MB21D2: variants seen among roughly 807,000 people sequenced by gnomAD.
MB21D2 encodes the protein nucleotidyltransferase MB21D2.
Under a neutral mutation model 33.3 loss-of-function variants are expected in MB21D2, and 9 were observed. The ratio of observed to expected loss-of-function variants is 0.27; its 90% CI spans 0.16 to 0.47. MB21D2 has a LOEUF of 0.47. MB21D2 is among the 20% of genes least tolerant of loss of function. The pLI, the probability that MB21D2 is intolerant of heterozygous loss-of-function variation, is 0.99. For missense variants in MB21D2, 540 were observed against 624.6 expected, an observed-to-expected ratio of 0.86 and a Z score of 1.44; for synonymous variants, 241 against 236.3, an observed-to-expected ratio of 1.02 and a Z score of -0.18.
chr3:192,873,018 C>G (rs111745266), intron 1 of MB21D2, among the ~76,000 whole-genome samples: 1 of 151,830 alleles, frequency 6.6e-6, no homozygotes, highest in Non-Finnish European at 1.5e-5. Context: ...CACCCCCCCC[C>G]ACCAAGCAAG....
rs1421715857 is a variant in MB21D2, at chr3:192,841,440, TTGTC to T, written c.212-41794_212-41791del. ...GCATTGCAGCTTCAATCTTAGTCTT[TTGTC>T]TGTCTGTCTTTCTCTCATCACTCAC... On this transcript the variant is annotated intron_variant, in intron 1 of 1. Transcript: ENST00000392452. Among the ~76,000 whole-genome samples the T allele has an allele frequency of 3.3e-5, 5 of 152,266 alleles. No individual in the cohort carries two copies. The South Asian group carries it at 6.2e-4, about 19-fold the overall frequency.
chr3:192,827,328 A>G (rs1433608903), intron 1 of MB21D2, among the ~76,000 whole-genome samples: 1 of 151,738 alleles, frequency 6.6e-6, no homozygotes, highest in Non-Finnish European at 1.5e-5. Flanking sequence ...ACAGTCGTTT[A>G]TTGAAATTGA....
intron 1 of MB21D2, among the ~76,000 whole-genome samples, chr3:192,885,428 T>C (rs1333356886): frequency 1.3e-5 from 2 of 152,038 alleles, no homozygotes; most frequent in Non-Finnish European, 2.9e-5. Flanking sequence ...AATATCAAAT[T>C]TGTGACCTTT....
chr3:192,915,676 A>G (rs1471203744), intron 1 of MB21D2, among the ~76,000 whole-genome samples: 1 of 152,236 alleles, frequency 6.6e-6, no homozygotes, highest in Non-Finnish European at 1.5e-5. Flanking sequence ...GGCATTAAAC[A>G]CATGCAAAAA....
intron 1 of MB21D2, among the ~76,000 whole-genome samples, chr3:192,870,288 A>T (rs1048004132): frequency 6.6e-6 from 1 of 152,188 alleles, no homozygotes; most frequent in Non-Finnish European, 1.5e-5. Flanking sequence ...TCTCATCTGT[A>T]AAAGGATTAA....
intron 1 of MB21D2, among the ~76,000 whole-genome samples, chr3:192,898,873 G>A (rs779042334): frequency 5.9e-5 from 9 of 152,188 alleles, no homozygotes; most frequent in Admixed American, 2.0e-4. Flanking sequence ...GAGATCTCAC[G>A]GATCAGTAAG....
rs147036806 is a variant in MB21D2 at position 192,845,414 on chromosome 3, T to C, written c.212-45764A>G. Among the ~76,000 whole-genome samples, 202 of 152,374 alleles carry C rather than the reference T, an allele frequency of 1.3e-3. 3 individuals are homozygous for C. Among genetic ancestry groups the C allele is most frequent in the Non-Finnish European group, 1.1e-3 (76 of 68,034 alleles). On this transcript the variant is annotated intron_variant, in intron 1 of 1. Coordinates refer to ENST00000392452, the MANE Select transcript of MB21D2 (RefSeq NM_178496.4). ...TGTGGTAGAGAACGTTTTGCAGCTA[T>C]GAATCACAATTCCCATGAAGAAGTG...
At chr3:192,808,234 A>G (rs1711707876) in intron 1 of MB21D2, among the ~76,000 whole-genome samples, 1 of 152,200 alleles carries the variant, frequency 6.6e-6, no homozygotes, top group Non-Finnish European at 1.5e-5. Flanking sequence ...GGAATCTGTG[A>G]TATGCTGCAT....
rs140950722 is a variant in MB21D2, at chr3:192,850,308, C to T, written c.212-50658G>A. 2.7e-3 allele frequency among the ~76,000 whole-genome samples: 416 copies of T among 152,270 alleles called. 2 individuals carry two copies. Among genetic ancestry groups the T allele is most frequent in the African/African-American group, 9.3e-3 (386 of 41,558 alleles). ...ACAGACTCTACACTGAAGGAAAGAA[C>T]CTGGGTGATAGCTCCTAGTAGAATC... On this transcript the variant is annotated intron_variant, in intron 1 of 1. Coordinates refer to ENST00000392452, the MANE Select transcript of MB21D2 (RefSeq NM_178496.4).
intron 1 of MB21D2, among the ~76,000 whole-genome samples, chr3:192,825,990 T>C (rs924058092): frequency 1.3e-5 from 2 of 152,188 alleles, no homozygotes; most frequent in African/African-American, 4.8e-5. Flanking sequence ...GAATGTGGTG[T>C]GGTCTAGCAG....
At chr3:192,902,173 G>A (rs966988096) in intron 1 of MB21D2, among the ~76,000 whole-genome samples, 3 of 152,274 alleles carry the variant, frequency 2.0e-5, no homozygotes, top group South Asian at 4.2e-4. Context: ...AATCAGAACC[G>A]TAAATTAGCA....
intron 1 of MB21D2, among the ~76,000 whole-genome samples, chr3:192,899,776 G>C (rs893814461): frequency 9.7e-6 from 1 of 103,578 alleles, no homozygotes. Flanking sequence ...CTCTGGGGTA[G>C]GGAGAAGCCC....
chr3:192,901,006 G>A (rs997789200), intron 1 of MB21D2, among the ~76,000 whole-genome samples: 7 of 151,930 alleles, frequency 4.6e-5, no homozygotes, highest in African/African-American at 1.7e-4. Flanking sequence ...GATGAAGGAT[G>A]GATGTATGAA....
intron 1 of MB21D2, among the ~76,000 whole-genome samples, chr3:192,827,774 C>T (rs943413779): frequency 3.3e-5 from 5 of 152,130 alleles, no homozygotes; most frequent in Non-Finnish European, 2.9e-5. Flanking sequence ...TTTTGCTTCC[C>T]GCTCCCCACC....
chr3:192,811,092 G>T (rs993764245), intron 1 of MB21D2, among the ~76,000 whole-genome samples: 2 of 152,188 alleles, frequency 1.3e-5, no homozygotes, highest in African/African-American at 4.8e-5. Flanking sequence ...GGGAGTTAAT[G>T]CAAGAGAACT....
intron 1 of MB21D2, among the ~76,000 whole-genome samples, chr3:192,848,181 T>C (rs1445431459): frequency 6.6e-6 from 1 of 152,222 alleles, no homozygotes; most frequent in Non-Finnish European, 1.5e-5. Flanking sequence ...GTGCTAAATA[T>C]GCTGCAAAGA....
chr3:192,828,590 C>CCCTTA (rs1263700690), intron 1 of MB21D2, among the ~76,000 whole-genome samples: 1 of 53,386 alleles, frequency 1.9e-5, no homozygotes, highest in African/African-American at 8.3e-5. Context: ...CTCACCCCCC[C>CCCTTA]CATATATATA....
chr3:192,873,516 A>C (rs1219550792), intron 1 of MB21D2, among the ~76,000 whole-genome samples: 1 of 152,064 alleles, frequency 6.6e-6, no homozygotes, highest in Non-Finnish European at 1.5e-5. Context: ...CTAAGGAACA[A>C]GTGAGTTCAC....
intron 1 of MB21D2, among the ~76,000 whole-genome samples, chr3:192,899,304 G>C (rs1393332646): frequency 6.6e-6 from 1 of 152,126 alleles, no homozygotes; most frequent in Non-Finnish European, 1.5e-5. Context: ...TGAGGTGGGC[G>C]GATCACTTGA....
Sources: gnomAD v4.1 joint callset for allele counts (sites outside exome capture counted in the v4.1 genomes callset) on GRCh38, gnomAD v4.1.1 for gene constraint, MANE v1.5 for transcripts, NCBI Gene and HGNC (gene_info 2026-07-23, HGNC 2026-07-21) for gene names.